Variants in RAB42 observed in about 807,000 individuals in gnomAD.
RAB42 encodes ras-related protein Rab-42.
In RAB42, 4 loss-of-function variants were observed where a neutral mutation model predicts 7.5. The observed-to-expected ratio is 0.53, with a 90% confidence interval of 0.26 to 1.22. The LOEUF (loss-of-function observed/expected upper bound fraction) is 1.22, where lower values mean the gene tolerates loss of function less well. Ranked by LOEUF, RAB42 falls within the 50% of genes most tolerant of loss-of-function variation. RAB42 has a pLI of 0.13. For missense variants in RAB42, 208 were observed against 281.2 expected (o/e 0.74, Z 1.86); for synonymous variants, 82 against 129.0 (o/e 0.64, Z 2.47).
chr1:28,593,940 TAAA>T lies in RAB42; in HGVS notation c.483_485del (p.Lys161del). 1 of 1,613,346 alleles carries T rather than the reference TAAA, an allele frequency of 6.2e-7. No homozygotes were observed. The highest frequency in any genetic ancestry group is 8.5e-7 in the Non-Finnish European group (1 of 1,179,672). ...GCATGGCCTTCGTGGAGACCTCGGT[TAAA>T]AACAACTGCAATGTGGACCTGGCCT... is the stretch of plus-strand genomic sequence containing the variant. On this transcript the variant is annotated inframe_deletion, in exon 2 of 2. Transcript: ENST00000465518.
In RAB42 at chr1:28,593,736, G is replaced by C; in HGVS notation, c.276G>C (p.Leu92=). ...TTTACCGGAATGTGGTGGGTGTCCT[G>C]CTGGTCTTTGATGTGACAAACAGGA... is the stretch of plus-strand genomic sequence containing the variant. ...RSFYRNVVGV[L]LVFDVTNRKS... The change falls in exon 2 of 2, where the codon CTG becomes CTC. Residue 92 remains leucine (L), a synonymous_variant. Transcript: ENST00000465518. 1 of 1,544,716 alleles carries C rather than the reference G, an allele frequency of 6.5e-7. No homozygotes were observed. Among genetic ancestry groups the C allele is most frequent in the Non-Finnish European group, 8.8e-7 (1 of 1,142,804 alleles).
rs1414999017 is a variant in RAB42, at chr1:28,594,288, C to G, written c.*171C>G. ...GAGGCTTTCTACAGAAAAGAAAGTTCTGATGGCCAGGCATGGTGGCTCACG... is the reference window on the plus strand; with the variant it reads ...GAGGCTTTCTACAGAAAAGAAAGTTGTGATGGCCAGGCATGGTGGCTCACG... On this transcript the variant is annotated 3_prime_UTR_variant, in exon 2 of 2. Transcript: ENST00000465518. The G allele has an allele frequency of 1.4e-6, 1 of 711,900 alleles. No individual in the cohort carries two copies. The highest frequency in any genetic ancestry group is 2.2e-6 in the Non-Finnish European group (1 of 445,066). 44.1% of individuals were successfully genotyped at this position (711,900 alleles called of 1,614,324 possible). A position where few individuals can be genotyped will look rare whatever the true frequency, so the allele number is the denominator to read the frequency against.
rs1233129898 is a variant in RAB42, at chr1:28,594,897, G to C, written c.*780G>C. On this transcript the variant is annotated 3_prime_UTR_variant, in exon 2 of 2. Transcript: ENST00000465518. ...CAAAGGCAGGTGCGGGGAATTCCAG[G>C]GGGAGCTTGGCTTGGAGGCTTCTTA... 1 of 167,250 alleles carries C rather than the reference G, an allele frequency of 6.0e-6. No individual in the cohort carries two copies. The highest frequency in any genetic ancestry group is 2.4e-5 in the African/African-American group (1 of 41,454). 10.4% of individuals were successfully genotyped at this position (167,250 alleles called of 1,614,324 possible). A position where few individuals can be genotyped will look rare whatever the true frequency, so the allele number is the denominator to read the frequency against.
rs1666405593 is a variant in RAB42 at position 28,594,834 on chromosome 1, G to C, written c.*717G>C. 6.0e-6 allele frequency: 1 copy of C among 167,170 alleles called. No homozygotes were observed. The highest frequency in any genetic ancestry group is 6.5e-5 in the Admixed American group (1 of 15,280). 10.4% of individuals were successfully genotyped at this position (167,170 alleles called of 1,614,324 possible). On this transcript the variant is annotated 3_prime_UTR_variant, in exon 2 of 2. Transcript: ENST00000465518. ...CACTCTGGCAGCATTCCTGGGCTCA[G>C]ACACTGAGAAGCCAGCGTCAGGAAG...
At chr1:28,593,524 G>A (rs373135815) in intron 1 of RAB42, among the ~76,000 whole-genome samples, 170 bp from the exon 2 acceptor site, 102 of 152,252 alleles carry the variant, frequency 6.7e-4, no homozygotes, top group African/African-American at 2.1e-3. Context: ...CACCCAGACT[G>A]TTAGGAGAGA....
chr1:28,593,627 G>A, intron 1 of RAB42, 67 bp from the exon 2 acceptor site: 1 of 1,450,842 alleles, frequency 6.9e-7, no homozygotes, highest in Non-Finnish European at 9.2e-7. Context: ...AGGAGGTCCT[G>A]CCTCTGGGGG....
rs781655799 is a variant in RAB42, at chr1:28,594,007, C to T, written c.547C>T (p.Gln183Ter). ...TGATGCTATCCAGCAGGCCCTGCAG[C>T]AGGGGGACATCAAGCTAGAAGAGGG... ...LADAIQQALQ[Q>*]GDIKLEEGWG... The change falls in exon 2 of 2, where the codon CAG becomes TAG. Residue 183 changes from glutamine (Q) to a stop codon, truncating the protein, a stop_gained. Coordinates refer to ENST00000465518, the MANE Select transcript of RAB42 (RefSeq NM_001193532.3). LOFTEE classifies it high-confidence loss of function. 1.9e-6 allele frequency: 3 copies of T among 1,613,912 alleles called. No homozygotes were observed. The highest frequency in any genetic ancestry group is 1.1e-5 in the South Asian group (1 of 91,072).
chr1:28,595,908 C>T (rs1570283108), downstream of RAB42, among the ~76,000 whole-genome samples: 1 of 151,988 alleles, frequency 6.6e-6, no homozygotes, highest in African/African-American at 2.4e-5. Flanking sequence ...AGCAACACTC[C>T]GTCTCATAAA....
In RAB42 at chr1:28,592,816, T is replaced by G; in HGVS notation, c.233+72T>G. 5.7e-6 allele frequency: 4 copies of G among 705,628 alleles called. No homozygotes were observed. Among genetic ancestry groups the G allele is most frequent in the Non-Finnish European group, 7.8e-6 (4 of 509,784 alleles). The allele number at this position is 705,628 out of a possible 1,614,324, so 43.7% of individuals were successfully genotyped here. On this transcript the variant is annotated intron_variant, in intron 1 of 1. Transcript: ENST00000465518. This position sits in a 1 kb window ranked among gnomAD's most constrained non-coding sequence, Gnocchi z 4.1. ...TGAGCGTGCTTTAGGCCACGGCAAC[T>G]CCCGAGAGGCCAACTCAGAGGTCAG...
chr1:28,592,395 G>C lies in RAB42; in HGVS notation c.-117G>C, dbSNP rs1051024422. ...CTCGGTCCGACGCCCTCGGTGCCCC[G>C]CCGGGTACGGTGGCTGGGCGCGGGG... is the stretch of plus-strand genomic sequence containing the variant. On this transcript the variant is annotated 5_prime_UTR_variant, in exon 1 of 2. Transcript: ENST00000465518. The surrounding 1 kb of genome is among the most constrained non-coding windows in gnomAD (Gnocchi z 4.1). 5 of 338,548 alleles carry C rather than the reference G, an allele frequency of 1.5e-5. No individual in the cohort carries two copies. Among genetic ancestry groups the C allele is most frequent in the Non-Finnish European group, 2.3e-5 (5 of 220,118 alleles). 21.0% of individuals were successfully genotyped at this position (338,548 alleles called of 1,614,324 possible). A position where few individuals can be genotyped will look rare whatever the true frequency, so the allele number is the denominator to read the frequency against.
intron 1 of RAB42, 122 bp from the exon 2 acceptor site, chr1:28,593,572 A>C: frequency 9.2e-7 from 1 of 1,089,700 alleles, no homozygotes; most frequent in Non-Finnish European, 1.3e-6. Flanking sequence ...GGCCGTGTGA[A>C]GTGAGCCCTG....
At position 28,592,599 on chromosome 1, in the gene RAB42, G is replaced by T. The variant is rs550693906; in HGVS notation, c.88G>T (p.Val30Leu). The T allele has an allele frequency of 1.1e-5, 14 of 1,220,462 alleles. No individual in the cohort carries two copies. The East Asian group carries it at 3.6e-4, about 31-fold the overall frequency. 75.6% of individuals were successfully genotyped at this position (1,220,462 alleles called of 1,614,324 possible). ...VGKTSLLRSY[V>L]AGAPGAPEPE... ...CAAGACGTCGCTGCTGCGGAGCTAC[G>T]TGGCAGGCGCGCCTGGCGCCCCGGA... is the stretch of plus-strand genomic sequence containing the variant. The change falls in exon 1 of 2, where the codon GTG (valine) becomes TTG (leucine). Residue 30 changes from valine (V) to leucine (L), a missense_variant. Transcript: ENST00000465518. The surrounding 1 kb of genome is among the most constrained non-coding windows in gnomAD (Gnocchi z 4.1).
rs929634449 is a variant in RAB42, at chr1:28,592,825, G to A, written c.233+81G>A. 3.7e-5 allele frequency: 24 copies of A among 651,566 alleles called. No homozygotes were observed. In the African/African-American group the frequency reaches 4.3e-4, roughly 12 times the overall value. The allele number at this position is 651,566 out of a possible 1,614,324, so 40.4% of individuals were successfully genotyped here. ...TTTAGGCCACGGCAACTCCCGAGAG[G>A]CCAACTCAGAGGTCAGGCGGAGGGC... On this transcript the variant is annotated intron_variant, in intron 1 of 1. Coordinates refer to ENST00000465518, the MANE Select transcript of RAB42 (RefSeq NM_001193532.3). The surrounding 1 kb of genome is among the most constrained non-coding windows in gnomAD (Gnocchi z 4.1).
chr1:28,592,818 C>G lies in RAB42; in HGVS notation c.233+74C>G. Reference sequence around the variant, plus strand: ...AGCGTGCTTTAGGCCACGGCAACTCCCGAGAGGCCAACTCAGAGGTCAGGC... The same window carrying G: ...AGCGTGCTTTAGGCCACGGCAACTCGCGAGAGGCCAACTCAGAGGTCAGGC... On this transcript the variant is annotated intron_variant, in intron 1 of 1. Transcript: ENST00000465518. This position sits in a 1 kb window ranked among gnomAD's most constrained non-coding sequence, Gnocchi z 4.1. The G allele has an allele frequency of 1.4e-6, 1 of 689,908 alleles. No homozygotes were observed. The allele number at this position is 689,908 out of a possible 1,614,324, so 42.7% of individuals were successfully genotyped here. A position where few individuals can be genotyped will look rare whatever the true frequency, so the allele number is the denominator to read the frequency against.
chr1:28,593,491 C>T (rs1418471037), intron 1 of RAB42, among the ~76,000 whole-genome samples: 2 of 152,180 alleles, frequency 1.3e-5, no homozygotes, highest in Non-Finnish European at 2.9e-5. Flanking sequence ...GGATTACAGG[C>T]GTGAGCCACC....
In RAB42 at chr1:28,592,523, G is replaced by A. The variant is rs1212658050; in HGVS notation, c.12G>A (p.Glu4=). Residue 4 remains glutamate, a synonymous_variant, in exon 1 of 2, where the codon GAG becomes GAA. Transcript: ENST00000465518. This position sits in a 1 kb window ranked among gnomAD's most constrained non-coding sequence, Gnocchi z 4.1. MEA[E]GCRYQFRVAL... is the part of the protein sequence containing the mutation. ...TGGCGGACGCGGCCATGGAGGCCGA[G>A]GGCTGCCGCTACCAATTTCGGGTCG... The A allele has an allele frequency of 1.7e-6, 2 of 1,208,828 alleles. No homozygotes were observed. The highest frequency in any genetic ancestry group is 3.4e-5 in the East Asian group (1 of 29,668). The allele number at this position is 1,208,828 out of a possible 1,614,324, so 74.9% of individuals were successfully genotyped here. A position where few individuals can be genotyped will look rare whatever the true frequency, so the allele number is the denominator to read the frequency against.
downstream of RAB42, among the ~76,000 whole-genome samples, chr1:28,596,395 C>T (rs755105413): frequency 2.0e-5 from 3 of 152,042 alleles, no homozygotes; most frequent in Non-Finnish European, 4.4e-5. Flanking sequence ...CCGAGGTGGG[C>T]GGATCACCTG....
chr1:28,593,144 C>G (rs530911770), intron 1 of RAB42, among the ~76,000 whole-genome samples: 25 of 152,108 alleles, frequency 1.6e-4, no homozygotes, highest in African/African-American at 6.0e-4. Context: ...ACCAGGCCTT[C>G]TCCAAGAATG....
At position 28,594,364 on chromosome 1, in the gene RAB42, C is replaced by A; in HGVS notation, c.*247C>A. ...CCAAGGACAGTGGATCACCTGAGGTCAGGGGTTCGAGACCAGCCTGGCCAA... is the reference window on the plus strand; with the variant it reads ...CCAAGGACAGTGGATCACCTGAGGTAAGGGGTTCGAGACCAGCCTGGCCAA... On this transcript the variant is annotated 3_prime_UTR_variant, in exon 2 of 2. Coordinates refer to ENST00000465518, the MANE Select transcript of RAB42 (RefSeq NM_001193532.3). The A allele has an allele frequency of 2.2e-6, 1 of 449,268 alleles. No individual in the cohort carries two copies. Among genetic ancestry groups the A allele is most frequent in the South Asian group, 4.5e-5 (1 of 22,262 alleles). 27.8% of individuals were successfully genotyped at this position (449,268 alleles called of 1,614,324 possible).
Sources: allele counts gnomAD v4.1 joint callset (sites outside exome capture counted in the v4.1 genomes callset), GRCh38; gene constraint gnomAD v4.1.1; non-coding constraint Gnocchi (gnomAD v3.1); transcripts MANE v1.5; gene names NCBI Gene and HGNC (gene_info 2026-07-23, HGNC 2026-07-21).